Variants in TERB1 observed in about 807,000 individuals in gnomAD.
The protein encoded by TERB1 is telomere repeats-binding bouquet formation protein 1.
A neutral mutation model predicts 92.3 loss-of-function variants in TERB1; 63 were observed. That is an observed-to-expected ratio of 0.68 (90% CI 0.56 to 0.84). The LOEUF is 0.84. Among genes scored for constraint, TERB1 ranks in the 40% least tolerant of loss-of-function variants. The pLI, the probability that TERB1 is intolerant of heterozygous loss-of-function variation, is 0.00. For missense variants in TERB1, 709 were observed against 843.7 expected (o/e 0.84, Z 1.98); for synonymous variants, 252 against 283.9 (o/e 0.89, Z 1.13).
intron 9 of TERB1, among the ~76,000 whole-genome samples, chr16:66,783,012 CT>C (rs139547535): frequency 0.11 from 17,323 of 152,008 alleles, 1,823 homozygotes; most frequent in African/African-American, 0.28. Flanking sequence ...ACCATTACAC[CT>C]GGCTAGTTTT....
At chr16:66,791,211 C>T (rs146244672) in intron 3 of TERB1, among the ~76,000 whole-genome samples, 192 bp from the exon 4 acceptor site, 2,165 of 151,706 alleles carry the variant, frequency 0.014, 25 homozygotes, top group Non-Finnish European at 0.02. Flanking sequence ...TTAAAATGAA[C>T]ATCTTATAGT....
chr16:66,776,640 G>A (rs1174189791), intron 11 of TERB1, among the ~76,000 whole-genome samples: 1 of 151,932 alleles, frequency 6.6e-6, no homozygotes, highest in Non-Finnish European at 1.5e-5. Flanking sequence ...AGAGAGAGGG[G>A]TAGAGAGGAA....
chr16:66,757,362 T>C (rs765786145), intron 18 of TERB1, among the ~76,000 whole-genome samples: 20 of 152,236 alleles, frequency 1.3e-4, no homozygotes, highest in Non-Finnish European at 2.4e-4. Context: ...AATATGCAAA[T>C]AGATTACAGC....
At chr16:66,791,655 C>A (rs1045110525) in intron 3 of TERB1, among the ~76,000 whole-genome samples, 1 of 151,978 alleles carries the variant, frequency 6.6e-6, no homozygotes, top group Non-Finnish European at 1.5e-5. Flanking sequence ...CACAGATATT[C>A]GGAAGATATT....
intron 13 of TERB1, among the ~76,000 whole-genome samples, chr16:66,770,871 G>A (rs2018435648): frequency 6.6e-6 from 1 of 151,904 alleles, no homozygotes; most frequent in Non-Finnish European, 1.5e-5. Context: ...TATTTTTTGA[G>A]ACAGGGTCTT....
intron 15 of TERB1, 75 bp downstream of exon 15, chr16:66,768,029 A>G: frequency 8.5e-7 from 1 of 1,175,314 alleles, no homozygotes; most frequent in Admixed American, 2.0e-5. Flanking sequence ...CACCCAGTCA[A>G]TGTGCATTTT....
Position 66,783,994 on chromosome 16 carries a change from A to G in TERB1, c.700+1792T>C, listed in dbSNP as rs557440495. On this transcript the variant is annotated intron_variant, in intron 9 of 18. Coordinates refer to ENST00000433154, the MANE Select transcript of TERB1 (RefSeq NM_001136505.2). ...GGGTGAGCTTTGTTTGGTAGTTTGT[A>G]TCTTTCAAAGAATCTGTCCAACTCA... Among the ~76,000 whole-genome samples, 6 of 152,342 alleles carry G rather than the reference A, an allele frequency of 3.9e-5. No individual in the cohort carries two copies. The East Asian group carries it at 1.2e-3, about 29-fold the overall frequency.
intron 11 of TERB1, 75 bp downstream of exon 11, chr16:66,777,128 G>T: frequency 7.4e-7 from 1 of 1,357,632 alleles, no homozygotes; most frequent in African/African-American, 1.7e-5. Context: ...TCACATAACT[G>T]GAAGAAAAAA....
At chr16:66,783,495 T>C (rs1013184143) in intron 9 of TERB1, among the ~76,000 whole-genome samples, 2 of 152,236 alleles carry the variant, frequency 1.3e-5, no homozygotes, top group African/African-American at 2.4e-5. Flanking sequence ...GATTTTTACA[T>C]CTATGTTCAT....
rs1278540279 is a variant in TERB1 at position 66,763,663 on chromosome 16, AAACCACC to A, written c.1780+3745_1780+3751del. On this transcript the variant is annotated intron_variant, in intron 16 of 18. Transcript: ENST00000433154. The stretch of plus-strand genomic sequence containing the variant: ...TTAAATATTAAGATAGATCAGCAGC[AAACCACC>A]ATGGCACATGTTTACCCACGTAACA... Among the ~76,000 whole-genome samples the A allele has an allele frequency of 6.6e-5, 10 of 152,326 alleles. No homozygotes were observed. The East Asian group carries it at 9.6e-4, about 15-fold the overall frequency.
intron 12 of TERB1, among the ~76,000 whole-genome samples, chr16:66,773,074 A>C (rs1244452078): frequency 1.3e-5 from 2 of 151,958 alleles, no homozygotes; most frequent in Non-Finnish European, 2.9e-5. Context: ...CACACTTGTA[A>C]TCCTTGCATT....
chr16:66,785,566 G>A (rs766176680), intron 9 of TERB1, among the ~76,000 whole-genome samples: 2 of 152,068 alleles, frequency 1.3e-5, no homozygotes, highest in Non-Finnish European at 2.9e-5. Context: ...TTTTATGAGA[G>A]TATCTGGGGA....
intron 13 of TERB1, among the ~76,000 whole-genome samples, chr16:66,771,781 A>T (rs2018456499): frequency 6.6e-6 from 1 of 152,200 alleles, no homozygotes; most frequent in Non-Finnish European, 1.5e-5. Flanking sequence ...CAATTATGGC[A>T]CATCTGCAAT....
chr16:66,795,218 TG>T (rs2018909711), intron 3 of TERB1, among the ~76,000 whole-genome samples: 1 of 152,216 alleles, frequency 6.6e-6, no homozygotes, highest in Non-Finnish European at 1.5e-5. Flanking sequence ...TCAACATCAC[TG>T]GTCATTAGGC....
chr16:66,774,480 C>T (rs2018510829), intron 12 of TERB1, among the ~76,000 whole-genome samples: 1 of 151,814 alleles, frequency 6.6e-6, no homozygotes, highest in African/African-American at 2.4e-5. Flanking sequence ...CCACCGCGCC[C>T]GGCCCCAAAC....
chr16:66,758,917 C>T, intron 17 of TERB1, 79 bp from the exon 18 acceptor site: 4 of 1,048,072 alleles, frequency 3.8e-6, no homozygotes, highest in Non-Finnish European at 5.6e-6. Context: ...AGTATATTTC[C>T]TTTATTCCCC....
chr16:66,784,473 A>ACCG (rs1193956008), intron 9 of TERB1, among the ~76,000 whole-genome samples: 30 of 152,038 alleles, frequency 2.0e-4, no homozygotes, highest in East Asian at 9.7e-4. Flanking sequence ...CCGGGATTAC[A>ACCG]TGTGCACACC....
intron 16 of TERB1, among the ~76,000 whole-genome samples, chr16:66,762,601 C>A (rs1386619494): frequency 6.6e-6 from 1 of 151,994 alleles, no homozygotes; most frequent in Non-Finnish European, 1.5e-5. Flanking sequence ...CAGGGCTGGT[C>A]TCAAACTCCT....
At chr16:66,771,959 TTTCTC>T (rs1289608122) in intron 13 of TERB1, among the ~76,000 whole-genome samples, 3 of 152,196 alleles carry the variant, frequency 2.0e-5, no homozygotes, top group Non-Finnish European at 2.9e-5. Context: ...TATTACTACT[TTTCTC>T]TTTCTTGAAC....
Sources: allele counts gnomAD v4.1 joint callset (sites outside exome capture counted in the v4.1 genomes callset), GRCh38; gene constraint gnomAD v4.1.1; transcripts MANE v1.5; gene names NCBI Gene and HGNC (gene_info 2026-07-23, HGNC 2026-07-21).